Variants in CCER2 observed in about 807,000 individuals in gnomAD.
The protein encoded by CCER2 is coiled-coil glutamate rich protein 2, also known as coiled-coil domain-containing glutamate-rich protein 2.
Under a neutral mutation model 27.1 loss-of-function variants are expected in CCER2, and 20 were observed. The observed-to-expected ratio is 0.74, with a 90% CI of 0.52 to 1.07. The LOEUF (loss-of-function observed/expected upper bound fraction) is 1.07, where lower values mean the gene tolerates loss of function less well. CCER2 is among the 50% of genes least tolerant of loss of function. The probability of loss-of-function intolerance (pLI) is 0.00; values close to 1 mark genes in which losing one functional copy is unlikely to be tolerated. For synonymous variants in CCER2, 140 were observed against 144.3 expected (o/e 0.97, Z 0.21); for missense variants, 351 against 344.7 (o/e 1.02, Z -0.14).
Position 38,910,791 on chromosome 19 carries a change from A to G in CCER2, c.483T>C (p.Asn161=). Reference sequence around the variant, plus strand: ...CCACCCGCTTCTGGAGGTCCCCTCCATTCTCTAGATGCCGCTGCCACAGGT... The same window carrying G: ...CCACCCGCTTCTGGAGGTCCCCTCCGTTCTCTAGATGCCGCTGCCACAGGT... The part of the protein sequence containing the change: ...FEDLWQRHLE[N]GGDLQKRVAE... The change falls in exon 4 of 5, where the codon AAT becomes AAC. Residue 161 remains asparagine (N), a synonymous_variant. Transcript: ENST00000571838. 1.3e-6 allele frequency: 2 copies of G among 1,534,718 alleles called. No individual in the cohort carries two copies. The highest frequency in any genetic ancestry group is 2.4e-5 in the South Asian group (2 of 83,906).
In CCER2 at chr19:38,909,046, C is replaced by T. The variant is rs1974245906; in HGVS notation, c.*190G>A. On this transcript the variant is annotated 3_prime_UTR_variant, in exon 5 of 5. Transcript: ENST00000571838. ...GGAGTGCATAGGTGTGGGGGTGCTTCCTGTGTCAGGGCTGAGCCCAGCCCC... is the reference window on the plus strand; with the variant it reads ...GGAGTGCATAGGTGTGGGGGTGCTTTCTGTGTCAGGGCTGAGCCCAGCCCC... The T allele has an allele frequency of 1.1e-6, 1 of 946,696 alleles. No individual in the cohort carries two copies. Among genetic ancestry groups the T allele is most frequent in the African/African-American group, 1.7e-5 (1 of 60,098 alleles). The allele number at this position is 946,696 out of a possible 1,614,324, so 58.6% of individuals were successfully genotyped here.
Position 38,911,034 on chromosome 19 carries a change from G to T in CCER2, c.240C>A (p.Gly80=). ...PHGCASTEEK[G]LLLGDFKKQE... ...GCTTCTTGAAATCCCCAAGCAGCAGGCCTTTCTCCTCGGTGGACGCACAGC... is the reference window on the plus strand; with the variant it reads ...GCTTCTTGAAATCCCCAAGCAGCAGTCCTTTCTCCTCGGTGGACGCACAGC... Residue 80 remains glycine (G), a synonymous_variant, in exon 4 of 5, where the codon GGC becomes GGA. Transcript: ENST00000571838. 6.8e-7 allele frequency: 1 copy of T among 1,472,378 alleles called. No homozygotes were observed. Among genetic ancestry groups the T allele is most frequent in the Non-Finnish European group, 8.9e-7 (1 of 1,119,402 alleles). The allele number at this position is 1,472,378 out of a possible 1,614,324, so 91.2% of individuals were successfully genotyped here. A position where few individuals can be genotyped will look rare whatever the true frequency, so the allele number is the denominator to read the frequency against.
chr19:38,910,489 G>A (rs542287465), intron 4 of CCER2, 74 bp downstream of exon 4: 23 of 1,425,254 alleles, frequency 1.6e-5, no homozygotes, highest in Non-Finnish European at 2.0e-5. Flanking sequence ...GTGGCTGTGA[G>A]TTGTGACTCC....
Position 38,909,310 on chromosome 19 carries a change from G to C in CCER2, c.727C>G (p.Gln243Glu). The part of the protein sequence containing the change: ...ASEREEKEVE[Q>E]LEHLRDELKK... ...AGTTCGTCTCTCAAGTGCTCCAGCT[G>C]CTCCACCTCCTTTTCCTGGTGGGGT... The change falls in exon 5 of 5, where the codon CAG becomes GAG. Residue 243 changes from glutamine (Q) to glutamate (E), a missense_variant. Gln to Glu is a conservative substitution (Grantham distance 29). Transcript: ENST00000571838. 6.5e-7 allele frequency: 1 copy of C among 1,535,524 alleles called. No homozygotes were observed. The highest frequency in any genetic ancestry group is 8.7e-7 in the Non-Finnish European group (1 of 1,146,736).
At chr19:38,911,878 G>A (rs1417807107) in intron 1 of CCER2, 26 bp from the exon 2 acceptor site, 1 of 1,534,180 alleles carries the variant, frequency 6.5e-7, no homozygotes, top group Non-Finnish European at 8.7e-7. Flanking sequence ...ATGGCACTGG[G>A]CTTTGCCGCC....
At chr19:38,910,191 C>T (rs978286501) in intron 4 of CCER2, among the ~76,000 whole-genome samples, 3 of 152,216 alleles carry the variant, frequency 2.0e-5, no homozygotes, top group Non-Finnish European at 4.4e-5. Context: ...CCTGTTACGG[C>T]ACTTTTGGTG....
At chr19:38,910,165 G>A (rs562901244) in intron 4 of CCER2, among the ~76,000 whole-genome samples, 5 of 152,202 alleles carry the variant, frequency 3.3e-5, no homozygotes, top group Non-Finnish European at 5.9e-5. Flanking sequence ...TTACAGGTGT[G>A]AGCCACCATG....
Position 38,910,621 on chromosome 19 carries a change from T to C in CCER2, c.653A>G (p.His218Arg). 1 of 1,523,912 alleles carries C rather than the reference T, an allele frequency of 6.6e-7. No individual in the cohort carries two copies. Among genetic ancestry groups the C allele is most frequent in the South Asian group, 1.2e-5 (1 of 82,156 alleles). 94.4% of individuals were successfully genotyped at this position (1,523,912 alleles called of 1,614,324 possible). The stretch of plus-strand genomic sequence containing the variant: ...GGGCTCAGCCTCTGGCTGGTGGTGG[T>C]GGTGGTGGTGGTGGGGCAAGTCCTC... ...RREDLPHHHHHHHQPEAEPRQ... is the reference protein window; with the variant it reads ...RREDLPHHHHRHHQPEAEPRQ... The change falls in exon 4 of 5, where the codon CAC (histidine) becomes CGC (arginine). Residue 218 changes from histidine (H) to arginine (R), a missense_variant. By Grantham distance (29) the His-to-Arg change is conservative. Transcript: ENST00000571838.
rs532616383 is a variant in CCER2, at chr19:38,909,311, C to T, written c.726G>A (p.Glu242=). 3 of 1,535,554 alleles carry T rather than the reference C, an allele frequency of 2.0e-6. No individual in the cohort carries two copies. The highest frequency in any genetic ancestry group is 2.4e-5 in the East Asian group (1 of 40,920). Residue 242 remains glutamate, a synonymous_variant, in exon 5 of 5, where the codon GAG becomes GAA. Transcript: ENST00000571838. Reference sequence around the variant, plus strand: ...GTTCGTCTCTCAAGTGCTCCAGCTGCTCCACCTCCTTTTCCTGGTGGGGTC... The same window carrying T: ...GTTCGTCTCTCAAGTGCTCCAGCTGTTCCACCTCCTTTTCCTGGTGGGGTC... ...EASEREEKEV[E]QLEHLRDELK...
In CCER2 at chr19:38,910,571, C is replaced by T. The variant is rs1202567664; in HGVS notation, c.703G>A (p.Glu235Lys). 6.8e-7 allele frequency: 1 copy of T among 1,481,190 alleles called. No individual in the cohort carries two copies. 91.8% of individuals were successfully genotyped at this position (1,481,190 alleles called of 1,614,324 possible). ...TTCATCCCCCTACTCACCTCCCTCT[C>T]CGAAGCCTCCTCCTTCTCCTGCCTG... ...EPRQEKEEAS[E>K]REEKEVEQLE... The change falls in exon 4 of 5, where the codon GAG (glutamate) becomes AAG (lysine). Residue 235 changes from glutamate (E) to lysine (K), a missense_variant. Physicochemically the swap from Glu to Lys is moderately conservative, Grantham distance 56. Coordinates refer to ENST00000571838, the MANE Select transcript of CCER2 (RefSeq NM_001243212.2).
Position 38,910,691 on chromosome 19 carries a change from G to T in CCER2, c.583C>A (p.Arg195Ser). Residue 195 changes from arginine to serine, a missense_variant, in exon 4 of 5, where the codon CGC becomes AGC. Transcript: ENST00000571838. ...CTCTCGGCCCCCTGCCACAGGCTGC[G>T]GTCCCCGCCCAGCACCCGCACCCCC... is the stretch of plus-strand genomic sequence containing the variant. ...EKGVRVLGGD[R>S]SLWQGAERGG... is the part of the protein sequence containing the mutation. 7 of 1,533,392 alleles carry T rather than the reference G, an allele frequency of 4.6e-6. No homozygotes were observed. Among genetic ancestry groups the T allele is most frequent in the Non-Finnish European group, 6.1e-6 (7 of 1,145,596 alleles). The allele number at this position is 1,533,392 out of a possible 1,614,324, so 95.0% of individuals were successfully genotyped here. A position where few individuals can be genotyped will look rare whatever the true frequency, so the allele number is the denominator to read the frequency against.
In CCER2 at chr19:38,910,719, C is replaced by T. The variant is rs1974289405; in HGVS notation, c.555G>A (p.Glu185=). 2 of 1,532,626 alleles carry T rather than the reference C, an allele frequency of 1.3e-6. No individual in the cohort carries two copies. The highest frequency in any genetic ancestry group is 2.7e-5 in the African/African-American group (2 of 73,032). The allele number at this position is 1,532,626 out of a possible 1,614,324, so 94.9% of individuals were successfully genotyped here. The change falls in exon 4 of 5, where the codon GAG becomes GAA. Residue 185 remains glutamate, a synonymous_variant. Coordinates refer to ENST00000571838, the MANE Select transcript of CCER2 (RefSeq NM_001243212.2). ...DKETAQFQAE[E]KGVRVLGGDR... ...CCCCGCCCAGCACCCGCACCCCCTT[C>T]TCCTCTGCCTGGAACTGGGCCGTCT...
At position 38,910,611 on chromosome 19, in the gene CCER2, CTGG is replaced by C. The variant is rs144792695; in HGVS notation, c.660_662del (p.His220del). Reference sequence around the variant, plus strand: ...TCTCCTGCCTGGGCTCAGCCTCTGGCTGGTGGTGGTGGTGGTGGTGGTGGGGCA... The same window carrying C: ...TCTCCTGCCTGGGCTCAGCCTCTGGCTGGTGGTGGTGGTGGTGGTGGGGCA... On this transcript the variant is annotated inframe_deletion, in exon 4 of 5. Coordinates refer to ENST00000571838, the MANE Select transcript of CCER2 (RefSeq NM_001243212.2). 1.5e-3 allele frequency: 2,335 copies of C among 1,510,184 alleles called. 9 individuals carry two copies. The highest frequency in any genetic ancestry group is 0.014 in the East Asian group (549 of 40,510). 93.5% of individuals were successfully genotyped at this position (1,510,184 alleles called of 1,614,324 possible). A position where few individuals can be genotyped will look rare whatever the true frequency, so the allele number is the denominator to read the frequency against.
At chr19:38,910,506 C>T in intron 4 of CCER2, 57 bp downstream of exon 4, 1 of 1,431,058 alleles carries the variant, frequency 7.0e-7, no homozygotes, top group Non-Finnish European at 9.1e-7. Flanking sequence ...CTCCACTGAC[C>T]ATCATCAACC....
intron 4 of CCER2, among the ~76,000 whole-genome samples, chr19:38,909,562 C>T (rs1974261941): frequency 6.6e-6 from 1 of 152,050 alleles, no homozygotes. Flanking sequence ...GGGATGAGCA[C>T]CTCGTGATGG....
At chr19:38,911,352 G>T (rs1162360652) in intron 3 of CCER2, among the ~76,000 whole-genome samples, 1 of 152,222 alleles carries the variant, frequency 6.6e-6, no homozygotes, top group Non-Finnish European at 1.5e-5. Flanking sequence ...CCTCTGCAGG[G>T]AACCACAAGG....
At position 38,909,233 on chromosome 19, in the gene CCER2, G is replaced by A. The variant is rs1424976137; in HGVS notation, c.*3C>T. On this transcript the variant is annotated 3_prime_UTR_variant, in exon 5 of 5. Coordinates refer to ENST00000571838, the MANE Select transcript of CCER2 (RefSeq NM_001243212.2). Reference sequence around the variant, plus strand: ...CAGGAGGAAGGAGGGACTGAGGTAGGGGTCAGCCCTCCCTCCTGAGCTGCT... The same window carrying A: ...CAGGAGGAAGGAGGGACTGAGGTAGAGGTCAGCCCTCCCTCCTGAGCTGCT... 1.3e-5 allele frequency: 20 copies of A among 1,535,018 alleles called. No homozygotes were observed. The highest frequency in any genetic ancestry group is 1.7e-4 in the Middle Eastern group (1 of 6,006).
In CCER2 at chr19:38,911,618, C is replaced by T. The variant is rs1974309962; in HGVS notation, c.138G>A (p.Val46=). Reference sequence around the variant, plus strand: ...CTCTCTGGACCTGGCCCACGGTCAGCACCTCTGTGACCACCTCTGCCAGAC... The same window carrying T: ...CTCTCTGGACCTGGCCCACGGTCAGTACCTCTGTGACCACCTCTGCCAGAC... The part of the protein sequence containing the change: ...TRCLAEVVTE[V]LTVGQVQRGP... The change falls in exon 3 of 5, where the codon GTG becomes GTA. Residue 46 remains valine (V), a synonymous_variant. Transcript: ENST00000571838. The T allele has an allele frequency of 6.5e-7, 1 of 1,535,492 alleles. No homozygotes were observed. Among genetic ancestry groups the T allele is most frequent in the Non-Finnish European group, 8.7e-7 (1 of 1,146,734 alleles).
At position 38,909,196 on chromosome 19, in the gene CCER2, C is replaced by T. The variant is rs1974250093; in HGVS notation, c.*40G>A. On this transcript the variant is annotated 3_prime_UTR_variant, in exon 5 of 5. Transcript: ENST00000571838. ...GGCTTCGGGGTCAACAGTCCTAAGC[C>T]ACAGGGTGTGTCAGGAGGAAGGAGG... 2.0e-6 allele frequency: 3 copies of T among 1,528,866 alleles called. No individual in the cohort carries two copies. Among genetic ancestry groups the T allele is most frequent in the African/African-American group, 1.4e-5 (1 of 72,996 alleles). 94.7% of individuals were successfully genotyped at this position (1,528,866 alleles called of 1,614,324 possible).
Sources: gnomAD v4.1 joint callset for allele counts (sites outside exome capture counted in the v4.1 genomes callset) on GRCh38, gnomAD v4.1.1 for gene constraint, MANE v1.5 for transcripts, NCBI Gene and HGNC (gene_info 2026-07-23, HGNC 2026-07-21) for gene names.